Variants in ADGRB3 observed in about 807,000 individuals in gnomAD.
ADGRB3 encodes brain-specific angiogenesis inhibitor 3.
In ADGRB3, 37 loss-of-function variants were observed where a neutral mutation model predicts 193.4. That is an observed-to-expected ratio of 0.19 (90% CI 0.15 to 0.25). The LOEUF is 0.25. Ranked by LOEUF, ADGRB3 falls within the 10% of genes least tolerant of loss-of-function variation. The pLI is 1.00. For synonymous variants in ADGRB3, 690 were observed against 644.2 expected (o/e 1.07, Z -1.08); for missense variants, 1,637 against 1,852.9 (o/e 0.88, Z 2.14).
At chr6:68,718,586 T>G (rs1765523599) in intron 3 of ADGRB3, among the ~76,000 whole-genome samples, 1 of 151,766 alleles carries the variant, frequency 6.6e-6, no homozygotes, top group Non-Finnish European at 1.5e-5. Flanking sequence ...CATATTTACT[T>G]ATTGAGGTCA....
At chr6:69,232,337 TC>T (rs1296071317) in intron 17 of ADGRB3, 30 of 1,193,106 alleles carry the variant, frequency 2.5e-5, no homozygotes, top group Admixed American at 6.5e-5. Context: ...TTCTCCCCCA[TC>T]CCCCCCACCA....
intron 23 of ADGRB3, chr6:69,332,475 T>C: frequency 2.0e-6 from 2 of 985,376 alleles, no homozygotes; most frequent in Non-Finnish European, 2.4e-6. Flanking sequence ...GTCCTCTGTG[T>C]TGGGAATAAT....
rs532616230 is a variant in ADGRB3 at position 68,802,747 on chromosome 6, C to T, written c.758-127812C>T. Among the ~76,000 whole-genome samples the T allele has an allele frequency of 1.4e-4, 22 of 152,252 alleles. 1 individual carries two copies. In the South Asian group the frequency reaches 4.6e-3, roughly 32 times the overall value. On this transcript the variant is annotated intron_variant, in intron 3 of 31. Coordinates refer to ENST00000370598, the MANE Select transcript of ADGRB3 (RefSeq NM_001704.3). ...TATCTACACAATGCCATGGATTCATCATGGGAACCCAAGGAATTAGATTTT... is the reference window on the plus strand; with the variant it reads ...TATCTACACAATGCCATGGATTCATTATGGGAACCCAAGGAATTAGATTTT...
intron 15 of ADGRB3, among the ~76,000 whole-genome samples, chr6:69,058,146 G>A (rs935198720): frequency 2.0e-5 from 3 of 151,530 alleles, no homozygotes; most frequent in African/African-American, 4.8e-5. Flanking sequence ...TAAAATTTCT[G>A]CATGCTTCAG....
chr6:68,965,596 A>G lies in ADGRB3; in HGVS notation c.1525+8787A>G, dbSNP rs559839759. Among the ~76,000 whole-genome samples, 7 of 152,268 alleles carry G rather than the reference A, an allele frequency of 4.6e-5. No homozygotes were observed. The South Asian group carries it at 1.4e-3, about 32-fold the overall frequency. The stretch of plus-strand genomic sequence containing the variant: ...TTCTGCTCTTTTTAAGAGACAGAAA[A>G]TCAGTTTGAATAGACAGATTAACAG... On this transcript the variant is annotated intron_variant, in intron 8 of 31. Transcript: ENST00000370598.
chr6:68,730,334 G>T (rs2127331305), intron 3 of ADGRB3, among the ~76,000 whole-genome samples: 1 of 151,394 alleles, frequency 6.6e-6, no homozygotes, highest in East Asian at 1.9e-4. Flanking sequence ...AACACTTTAT[G>T]TATGTATAAT....
At chr6:69,233,870 T>G (rs546010048) in intron 18 of ADGRB3, among the ~76,000 whole-genome samples, 6 of 152,150 alleles carry the variant, frequency 3.9e-5, no homozygotes, top group Non-Finnish European at 7.4e-5. Context: ...TGGATGTAAA[T>G]ATAAATAAAT....
chr6:68,961,958 C>G (rs1333166237), intron 8 of ADGRB3, among the ~76,000 whole-genome samples: 1 of 152,084 alleles, frequency 6.6e-6, no homozygotes, highest in Non-Finnish European at 1.5e-5. Context: ...TTACCTGTTG[C>G]ATTCTTCAAA....
Position 69,314,186 on chromosome 6 carries a change from C to T in ADGRB3, c.2815-10686C>T, listed in dbSNP as rs544479519. On this transcript the variant is annotated intron_variant, in intron 20 of 31. Transcript: ENST00000370598. Reference sequence around the variant, plus strand: ...AGATTTTCCTGTTATGTGTGACAAACTTTCCAAGATCTTCAAATTATGAAC... The same window carrying T: ...AGATTTTCCTGTTATGTGTGACAAATTTTCCAAGATCTTCAAATTATGAAC... Among the ~76,000 whole-genome samples, 3 of 151,772 alleles carry T rather than the reference C, an allele frequency of 2.0e-5. No homozygotes were observed. The South Asian group carries it at 6.2e-4, about 32-fold the overall frequency.
intron 3 of ADGRB3, among the ~76,000 whole-genome samples, chr6:68,782,823 TG>T (rs1349941537): frequency 2.0e-5 from 3 of 151,422 alleles, no homozygotes; most frequent in African/African-American, 7.4e-5. Flanking sequence ...TGGGGTTGTT[TG>T]TTTTTTTTCT....
At chr6:69,192,197 G>A (rs1447239292) in intron 17 of ADGRB3, among the ~76,000 whole-genome samples, 11 of 152,112 alleles carry the variant, frequency 7.2e-5, no homozygotes, top group Non-Finnish European at 1.5e-4. Flanking sequence ...TTGGAGATCC[G>A]AAACCTCAAA....
chr6:68,807,749 CTG>C (rs1767435204), intron 3 of ADGRB3, among the ~76,000 whole-genome samples: 1 of 151,876 alleles, frequency 6.6e-6, no homozygotes, highest in African/African-American at 2.4e-5. Flanking sequence ...ACTAAAAAAA[CTG>C]TGAAAAAATA....
At chr6:69,163,793 C>T (rs375730301) in intron 17 of ADGRB3, among the ~76,000 whole-genome samples, 2 of 152,082 alleles carry the variant, frequency 1.3e-5, no homozygotes, top group Admixed American at 1.3e-4. Context: ...ATCTTGCATT[C>T]GTTCTATGAG....
chr6:69,135,681 A>G (rs1774130628), intron 17 of ADGRB3, among the ~76,000 whole-genome samples: 1 of 152,062 alleles, frequency 6.6e-6, no homozygotes, highest in African/African-American at 2.4e-5. Context: ...CAAAGGACCA[A>G]TTTCAACTCT....
rs1424636186 is a variant in ADGRB3 at position 68,979,120 on chromosome 6, T to C, written c.1734+3780T>C. Among the ~76,000 whole-genome samples the C allele has an allele frequency of 1.1e-4, 14 of 132,310 alleles. 2 individuals are homozygous for C. The highest frequency in any genetic ancestry group is 2.3e-4 in the Non-Finnish European group (14 of 61,418). The allele number at this position is 132,310 out of a possible 152,430, so 86.8% of individuals were successfully genotyped here. Reference sequence around the variant, plus strand: ...TGTTGGACATTTGGTTTTTTTCTTTTTTTGTAAATCTTCATTGCTATAGTC... The same window carrying C: ...TGTTGGACATTTGGTTTTTTTCTTTCTTTGTAAATCTTCATTGCTATAGTC... On this transcript the variant is annotated intron_variant, in intron 10 of 31. Coordinates refer to ENST00000370598, the MANE Select transcript of ADGRB3 (RefSeq NM_001704.3).
At chr6:69,098,683 G>A (rs1035461019) in intron 17 of ADGRB3, among the ~76,000 whole-genome samples, 11 of 152,156 alleles carry the variant, frequency 7.2e-5, no homozygotes, top group South Asian at 4.1e-4. Flanking sequence ...CCTCCAATTC[G>A]ACATGAGATT....
At chr6:68,974,122 T>C (rs1768668089) in intron 8 of ADGRB3, among the ~76,000 whole-genome samples, 1 of 152,138 alleles carries the variant, frequency 6.6e-6, no homozygotes, top group African/African-American at 2.4e-5. Flanking sequence ...AATGTGCCTT[T>C]TTGTTTGTTG....
intron 3 of ADGRB3, among the ~76,000 whole-genome samples, chr6:68,840,583 T>G (rs1324826021): frequency 3.3e-5 from 5 of 151,726 alleles, no homozygotes; most frequent in Admixed American, 3.3e-4. Flanking sequence ...GAGACTCCTC[T>G]GCTTTTGGAA....
At chr6:69,071,441 G>T (rs1012373922) in intron 16 of ADGRB3, among the ~76,000 whole-genome samples, 3 of 152,144 alleles carry the variant, frequency 2.0e-5, no homozygotes, top group Non-Finnish European at 4.4e-5. Context: ...TTTGGTTGAC[G>T]TTGGAACAGA....
Sources: gnomAD v4.1 joint callset for allele counts (sites outside exome capture counted in the v4.1 genomes callset) on GRCh38, gnomAD v4.1.1 for gene constraint, MANE v1.5 for transcripts, NCBI Gene and HGNC (gene_info 2026-07-23, HGNC 2026-07-21) for gene names.